Variants in PGM2 observed in about 807,000 individuals in gnomAD.
PGM2 encodes phosphoglucomutase 2, also known as phosphopentomutase.
PGM2 carries 57 observed loss-of-function variants against 74.6 expected under a neutral mutation model. The ratio of observed to expected loss-of-function variants is 0.76; its 90% CI spans 0.62 to 0.95. The LOEUF (loss-of-function observed/expected upper bound fraction) is 0.95, where lower values mean the gene tolerates loss of function less well. Among genes scored for constraint, PGM2 ranks in the 40% least tolerant of loss-of-function variants. The pLI, the probability that PGM2 is intolerant of heterozygous loss-of-function variation, is 0.00. For missense variants in PGM2, 706 were observed against 741.9 expected, an observed-to-expected ratio of 0.95 and a Z score of 0.56; for synonymous variants, 273 against 260.7, an observed-to-expected ratio of 1.05 and a Z score of -0.46.
Position 37,850,990 on chromosome 4 carries a change from CAAAAA to C in PGM2, c.1602+632_1602+636del, listed in dbSNP as rs34801450. On this transcript the variant is annotated intron_variant, in intron 12 of 13. Transcript: ENST00000381967. ...TGGGTGACAGAGCAAGACTTCATCT[CAAAAA>C]AAAAAAAAAAAAAAGAGGAACTAGT... Among the ~76,000 whole-genome samples, 3 of 107,336 alleles carry C rather than the reference CAAAAA, an allele frequency of 2.8e-5. No individual in the cohort carries two copies. The East Asian group carries it at 7.9e-4, about 28-fold the overall frequency. 70.4% of individuals were successfully genotyped at this position (107,336 alleles called of 152,430 possible).
At chr4:37,861,335 T>C (rs1711764315) in intron 13 of PGM2, among the ~76,000 whole-genome samples, 175 bp from the exon 14 acceptor site, 1 of 152,202 alleles carries the variant, frequency 6.6e-6, no homozygotes, top group African/African-American at 2.4e-5. Context: ...ATGGGGTGTT[T>C]TGTCTAAGTC....
Position 37,847,131 on chromosome 4 carries a change from C to T in PGM2, c.1188+20C>T. On this transcript the variant is annotated intron_variant, in intron 9 of 13. Transcript: ENST00000381967. ...TTTGAGGTAGGGTGTTTCTGGGACTCACTCATTTTCCTTTCATCTGCTCTG... is the reference window on the plus strand; with the variant it reads ...TTTGAGGTAGGGTGTTTCTGGGACTTACTCATTTTCCTTTCATCTGCTCTG... The T allele has an allele frequency of 6.2e-7, 1 of 1,606,030 alleles. No individual in the cohort carries two copies. The highest frequency in any genetic ancestry group is 8.5e-7 in the Non-Finnish European group (1 of 1,173,104).
chr4:37,844,874 G>A (rs2553289), intron 7 of PGM2, among the ~76,000 whole-genome samples: 121,978 of 151,696 alleles, frequency 0.8, 49,259 homozygotes, highest in African/African-American at 0.88. Context: ...AGGCTGAGGC[G>A]CTAGAATTGT....
chr4:37,840,147 T>C lies in PGM2; in HGVS notation c.607T>C (p.Trp203Arg), dbSNP rs1280361434. 1 of 1,613,534 alleles carries C rather than the reference T, an allele frequency of 6.2e-7. No homozygotes were observed. The highest frequency in any genetic ancestry group is 8.5e-7 in the Non-Finnish European group (1 of 1,179,442). ...AGCTATTGAAGAAAATCTAGAACCGTGGCCTCAAGCTTGGGACGATTCTTT... is the reference window on the plus strand; with the variant it reads ...AGCTATTGAAGAAAATCTAGAACCGCGGCCTCAAGCTTGGGACGATTCTTT... ...SQAIEENLEP[W>R]PQAWDDSLID... Residue 203 changes from tryptophan to arginine, a missense_variant, in exon 6 of 14, where the codon TGG becomes CGG. Coordinates refer to ENST00000381967, the MANE Select transcript of PGM2 (RefSeq NM_018290.4).
intron 12 of PGM2, among the ~76,000 whole-genome samples, chr4:37,851,941 A>T (rs1286135776): frequency 2.5e-5 from 3 of 121,784 alleles, no homozygotes; most frequent in Admixed American, 1.6e-4. Flanking sequence ...AGAGAATTGT[A>T]TTTCCTGTAC....
At chr4:37,854,411 C>T (rs35743435) in intron 12 of PGM2, among the ~76,000 whole-genome samples, 106 of 151,906 alleles carry the variant, frequency 7.0e-4, no homozygotes, top group African/African-American at 2.3e-3. Context: ...AGTGCAGTGG[C>T]GCAATCTCGG....
chr4:37,839,131 T>G (rs1725638952), intron 4 of PGM2, among the ~76,000 whole-genome samples: 1 of 150,244 alleles, frequency 6.7e-6, no homozygotes, highest in Non-Finnish European at 1.5e-5. Flanking sequence ...TTTTTTTTTT[T>G]TTTTGAGACA....
chr4:37,854,656 C>G (rs1337577632), intron 12 of PGM2, among the ~76,000 whole-genome samples: 1 of 151,172 alleles, frequency 6.6e-6, no homozygotes, highest in East Asian at 1.9e-4. Context: ...CCGCGCCCAG[C>G]CTGGAAGCTT....
chr4:37,836,614 C>T (rs1002303739), intron 3 of PGM2, among the ~76,000 whole-genome samples: 4 of 152,134 alleles, frequency 2.6e-5, no homozygotes, highest in Non-Finnish European at 5.9e-5. Flanking sequence ...GAAGCTAGTG[C>T]CCAAGAAGTA....
At position 37,835,235 on chromosome 4, in the gene PGM2, G is replaced by A. The variant is rs1725538844; in HGVS notation, c.356+511G>A. 2.0e-5 allele frequency among the ~76,000 whole-genome samples: 3 copies of A among 152,198 alleles called. No individual in the cohort carries two copies. The South Asian group carries it at 6.2e-4, about 32-fold the overall frequency. On this transcript the variant is annotated intron_variant, in intron 3 of 13. Transcript: ENST00000381967. ...TTCTATCCTCACAGCAACGTGTAAG[G>A]TATGTACTTTTATCTCTTTACCCTG...
At chr4:37,842,154 AAT>A (rs1297468769) in intron 6 of PGM2, among the ~76,000 whole-genome samples, 2 of 149,102 alleles carry the variant, frequency 1.3e-5, no homozygotes, top group Non-Finnish European at 3.0e-5. Flanking sequence ...CTTTGTTTAT[AAT>A]ATATATACAT....
chr4:37,844,639 C>A, intron 7 of PGM2, 86 bp downstream of exon 7: 2 of 877,694 alleles, frequency 2.3e-6, no homozygotes, highest in Non-Finnish European at 3.6e-6. Flanking sequence ...TATGTGTTTT[C>A]ATTGTGCTGA....
intron 10 of PGM2, 35 bp downstream of exon 10, chr4:37,847,330 G>T (rs541207553): frequency 6.8e-7 from 1 of 1,463,484 alleles, no homozygotes; most frequent in East Asian, 2.3e-5. Flanking sequence ...GGAATTGGCT[G>T]CAAGGCAAAA....
Position 37,862,921 on chromosome 4 carries a change from A to C in PGM2, c.*1309A>C, listed in dbSNP as rs1175139428. The stretch of plus-strand genomic sequence containing the variant: ...AGTGTCAAACTGTACTGTGGAGAAA[A>C]GAAATGTTAGATCTGTGTTCTGTCT... On this transcript the variant is annotated 3_prime_UTR_variant, in exon 14 of 14. Transcript: ENST00000381967. 3 of 152,094 alleles carry C rather than the reference A, an allele frequency of 2.0e-5. No homozygotes were observed. The highest frequency in any genetic ancestry group is 4.4e-5 in the Non-Finnish European group (3 of 68,018). 9.4% of individuals were successfully genotyped at this position (152,094 alleles called of 1,614,324 possible). A position where few individuals can be genotyped will look rare whatever the true frequency, so the allele number is the denominator to read the frequency against.
intron 13 of PGM2, among the ~76,000 whole-genome samples, chr4:37,858,626 A>G (rs924255647): frequency 6.6e-6 from 1 of 151,902 alleles, no homozygotes; most frequent in African/African-American, 2.4e-5. Context: ...TTGGGATTAC[A>G]GGCGTGAGCC....
At chr4:37,860,733 C>T (rs978788247) in intron 13 of PGM2, among the ~76,000 whole-genome samples, 1 of 152,168 alleles carries the variant, frequency 6.6e-6, no homozygotes, top group African/African-American at 2.4e-5. Context: ...TAAGTACTTA[C>T]AGTACTCACA....
intron 12 of PGM2, among the ~76,000 whole-genome samples, chr4:37,854,623 G>A (rs988000999): frequency 2.0e-5 from 3 of 151,710 alleles, no homozygotes; most frequent in Admixed American, 6.6e-5. Flanking sequence ...AGTGCAAAGT[G>A]CTGGTATTAC....
At chr4:37,834,247 G>C (rs549076313) in intron 2 of PGM2, among the ~76,000 whole-genome samples, 8 of 152,004 alleles carry the variant, frequency 5.3e-5, no homozygotes, top group African/African-American at 9.7e-5. Context: ...GGTAGGGGGG[G>C]ATTGCTTAAA....
chr4:37,838,254 A>G (rs1725621679), intron 4 of PGM2, among the ~76,000 whole-genome samples: 1 of 152,176 alleles, frequency 6.6e-6, no homozygotes, highest in South Asian at 2.1e-4. Flanking sequence ...TTGTGTCGAA[A>G]TCTGAATTCA....
Sources: gnomAD v4.1 joint callset for allele counts (sites outside exome capture counted in the v4.1 genomes callset) on GRCh38, gnomAD v4.1.1 for gene constraint, MANE v1.5 for transcripts, NCBI Gene and HGNC (gene_info 2026-07-23, HGNC 2026-07-21) for gene names.